PAPPA2: variants seen among roughly 807,000 people sequenced by gnomAD.
PAPPA2 encodes the protein pappalysin 2, also known as pappalysin-2.
A neutral mutation model predicts 176.4 loss-of-function variants in PAPPA2; 86 were observed. The observed-to-expected ratio is 0.49, with a 90% CI of 0.41 to 0.58. PAPPA2 has a LOEUF of 0.58. Among genes scored for constraint, PAPPA2 ranks in the 20% least tolerant of loss-of-function variants. The probability of loss-of-function intolerance (pLI) is 0.00; values close to 1 mark genes in which losing one functional copy is unlikely to be tolerated. For synonymous variants in PAPPA2, 809 were observed against 852.2 expected (o/e 0.95, Z 0.88); for missense variants, 2,073 against 2,256.9 (o/e 0.92, Z 1.65).
intron 21 of PAPPA2, 147 bp downstream of exon 21, chr1:176,800,279 T>C: frequency 1.3e-6 from 1 of 753,456 alleles, no homozygotes; most frequent in Non-Finnish European, 2.0e-6. Flanking sequence ...GGTTCCACGA[T>C]CTTAAATTTA....
chr1:176,596,326 A>C (rs1047443272), intron 3 of PAPPA2, among the ~76,000 whole-genome samples: 3 of 152,002 alleles, frequency 2.0e-5, no homozygotes, highest in African/African-American at 7.2e-5. Context: ...CTCCATCACC[A>C]CCTATATAGC....
chr1:176,526,310 T>G lies in PAPPA2; in HGVS notation c.-916-29097T>G, dbSNP rs905013762. On this transcript the variant is annotated intron_variant, in intron 1 of 22. Transcript: ENST00000367662. Reference sequence around the variant, plus strand: ...GTTTCTCATGACCACACAGCTACCCTATGTTTCCCAGCATCCCTTGCAGTT... The same window carrying G: ...GTTTCTCATGACCACACAGCTACCCGATGTTTCCCAGCATCCCTTGCAGTT... 4.6e-5 allele frequency among the ~76,000 whole-genome samples: 7 copies of G among 152,298 alleles called. No individual in the cohort carries two copies. In the East Asian group the frequency reaches 9.6e-4, roughly 21 times the overall value.
chr1:176,635,022 G>A (rs1249391900), intron 3 of PAPPA2, among the ~76,000 whole-genome samples: 2 of 150,476 alleles, frequency 1.3e-5, no homozygotes, highest in African/African-American at 2.4e-5. Flanking sequence ...TAGATGCACA[G>A]CAAAGCAAAG....
intron 21 of PAPPA2, chr1:176,836,810 A>G (rs1389161414): frequency 4.6e-5 from 7 of 152,196 alleles, no homozygotes; most frequent in Non-Finnish European, 1.0e-4. Context: ...GCTAAAAAAA[A>G]TAAAAATAAA....
intron 2 of PAPPA2, among the ~76,000 whole-genome samples, chr1:176,567,915 CAGGCCTAAAGT>C (rs1309591846): frequency 6.6e-6 from 1 of 152,174 alleles, no homozygotes; most frequent in Non-Finnish European, 1.5e-5. Flanking sequence ...AATAAGATAT[CAGGCCTAAAGT>C]AGGTGCATTG....
chr1:176,833,674 A>G (rs552566124), intron 21 of PAPPA2, among the ~76,000 whole-genome samples: 1 of 152,286 alleles, frequency 6.6e-6, no homozygotes, highest in South Asian at 2.1e-4. Flanking sequence ...GGTAATTCTT[A>G]CATAGTATAT....
intron 10 of PAPPA2, 134 bp from the exon 11 acceptor site, chr1:176,709,849 G>T: frequency 1.5e-6 from 1 of 689,628 alleles, no homozygotes. Context: ...TTTGAGGTAG[G>T]CATTAGACTG....
chr1:176,656,682 A>T (rs1038237165), intron 3 of PAPPA2, among the ~76,000 whole-genome samples: 4 of 151,314 alleles, frequency 2.6e-5, no homozygotes, highest in African/African-American at 9.7e-5. Context: ...CTTCTCTTAA[A>T]CCTCTTTCCT....
At chr1:176,645,042 C>T (rs1207692053) in intron 3 of PAPPA2, among the ~76,000 whole-genome samples, 2 of 151,786 alleles carry the variant, frequency 1.3e-5, no homozygotes, top group South Asian at 4.1e-4. Context: ...AAGATCAAAA[C>T]AGTACATTGG....
At chr1:176,559,465 G>A (rs1186742470) in intron 2 of PAPPA2, among the ~76,000 whole-genome samples, 3 of 152,258 alleles carry the variant, frequency 2.0e-5, no homozygotes, top group African/African-American at 7.2e-5. Context: ...TCATTCTTTG[G>A]GATTCTAGCA....
chr1:176,750,677 A>G (rs1571270208), intron 14 of PAPPA2, among the ~76,000 whole-genome samples: 1 of 152,224 alleles, frequency 6.6e-6, no homozygotes, highest in Non-Finnish European at 1.5e-5. Flanking sequence ...GATATATTAA[A>G]TGTATTATAT....
At chr1:176,474,918 C>CAAGCA (rs1652043619) in intron 1 of PAPPA2, among the ~76,000 whole-genome samples, 1 of 152,080 alleles carries the variant, frequency 6.6e-6, no homozygotes, top group Admixed American at 6.5e-5. Flanking sequence ...GTAGGAAAAA[C>CAAGCA]AAGCAACATA....
At position 176,750,627 on chromosome 1, in the gene PAPPA2, G is replaced by GACA. The variant is rs547536169; in HGVS notation, c.4151+10451_4151+10453dup. Among the ~76,000 whole-genome samples, 527 of 151,422 alleles carry GACA rather than the reference G, an allele frequency of 3.5e-3. 2 individuals are homozygous for GACA. The highest frequency in any genetic ancestry group is 5.9e-3 in the Non-Finnish European group (402 of 67,838). Reference sequence around the variant, plus strand: ...CTCAAAAATCAAAACAAAACAAAGTGACAACAACAACAACAACAACAAACA... The same window carrying GACA: ...CTCAAAAATCAAAACAAAACAAAGTGACAACAACAACAACAACAACAACAAACA... On this transcript the variant is annotated intron_variant, in intron 14 of 22. Coordinates refer to ENST00000367662, the MANE Select transcript of PAPPA2 (RefSeq NM_020318.3).
chr1:176,489,910 C>T (rs948358920), intron 1 of PAPPA2, among the ~76,000 whole-genome samples: 8 of 152,146 alleles, frequency 5.3e-5, no homozygotes, highest in Non-Finnish European at 7.3e-5. Flanking sequence ...ATCAAAGGAC[C>T]TAGCATGTGG....
At chr1:176,609,847 C>T (rs1169218221) in intron 3 of PAPPA2, among the ~76,000 whole-genome samples, 2 of 152,106 alleles carry the variant, frequency 1.3e-5, no homozygotes, top group East Asian at 1.9e-4. Flanking sequence ...TGCCTTGTGA[C>T]TTAAAGATAT....
chr1:176,817,427 G>A (rs992780556), intron 21 of PAPPA2, among the ~76,000 whole-genome samples: 2 of 152,084 alleles, frequency 1.3e-5, no homozygotes, highest in Non-Finnish European at 2.9e-5. Context: ...GCATTGAGAA[G>A]CCTGACACAT....
intron 14 of PAPPA2, among the ~76,000 whole-genome samples, chr1:176,758,541 A>C (rs1475567298): frequency 6.6e-6 from 1 of 152,198 alleles, no homozygotes; most frequent in African/African-American, 2.4e-5. Flanking sequence ...CAGAGCATGC[A>C]TTCCTTCTTA....
chr1:176,553,926 C>T (rs1297592493), intron 1 of PAPPA2, among the ~76,000 whole-genome samples: 5 of 151,500 alleles, frequency 3.3e-5, no homozygotes, highest in East Asian at 3.9e-4. Context: ...TCTCTATATC[C>T]CCCTCCCTAG....
At chr1:176,757,519 C>G (rs1663485530) in intron 14 of PAPPA2, among the ~76,000 whole-genome samples, 1 of 152,178 alleles carries the variant, frequency 6.6e-6, no homozygotes, top group African/African-American at 2.4e-5. Flanking sequence ...TGAGAGGTGT[C>G]TCTTCATATC....
Sources: allele counts gnomAD v4.1 joint callset (sites outside exome capture counted in the v4.1 genomes callset), GRCh38; gene constraint gnomAD v4.1.1; transcripts MANE v1.5; gene names NCBI Gene and HGNC (gene_info 2026-07-23, HGNC 2026-07-21).